AGAP1: variants seen among roughly 807,000 people sequenced by gnomAD.
AGAP1 encodes the protein ArfGAP with GTPase domain, ankyrin repeat and PH domain 1.
AGAP1 carries 29 observed loss-of-function variants against 105.3 expected under a neutral mutation model. The observed-to-expected ratio is 0.28, with a 90% CI of 0.21 to 0.38. The LOEUF is 0.38. Among genes scored for constraint, AGAP1 ranks in the 10% least tolerant of loss-of-function variants. The pLI, the probability that AGAP1 is intolerant of heterozygous loss-of-function variation, is 1.00. For missense variants in AGAP1, 998 were observed against 1,165.1 expected (o/e 0.86, Z 2.09); for synonymous variants, 509 against 485.9 (o/e 1.05, Z -0.63).
chr2:236,113,386 AC>A lies in AGAP1; in HGVS notation c.2115-6805del, dbSNP rs1201176632. On this transcript the variant is annotated intron_variant, in intron 16 of 17. Transcript: ENST00000304032. This position sits in a 1 kb window ranked among gnomAD's most constrained non-coding sequence, Gnocchi z 4.3. Reference sequence around the variant, plus strand: ...GAACTCCTGACCTCGTGATCCACCCACTTCGGCCTCCCAAAGTGCTGGGATT... The same window carrying A: ...GAACTCCTGACCTCGTGATCCACCCATTCGGCCTCCCAAAGTGCTGGGATT... Among the ~76,000 whole-genome samples, 21 of 151,768 alleles carry A rather than the reference AC, an allele frequency of 1.4e-4. No homozygotes were observed. The highest frequency in any genetic ancestry group is 1.4e-3 in the Admixed American group (21 of 15,226).
chr2:235,745,594 C>G (rs1245644188), intron 5 of AGAP1, among the ~76,000 whole-genome samples: 1 of 152,212 alleles, frequency 6.6e-6, no homozygotes, highest in East Asian at 1.9e-4. Flanking sequence ...ATAATCCTAT[C>G]AGGAAAAATT....
Position 235,911,447 on chromosome 2 carries a change from A to T in AGAP1, c.1324+2541A>T, listed in dbSNP as rs146324004. Among the ~76,000 whole-genome samples the T allele has an allele frequency of 3.9e-4, 59 of 152,352 alleles. 1 individual carries two copies. The highest frequency in any genetic ancestry group is 1.3e-3 in the African/African-American group (53 of 41,580). On this transcript the variant is annotated intron_variant, in intron 11 of 17. Coordinates refer to ENST00000304032, the MANE Select transcript of AGAP1 (RefSeq NM_001037131.3). ...GGATAGGAATTTGCCAGGCACACAG[A>T]TATGAAGGAAGGGCACCAATTCTGT...
intron 1 of AGAP1, among the ~76,000 whole-genome samples, chr2:235,516,913 G>C (rs2149041625): frequency 6.6e-6 from 1 of 152,328 alleles, no homozygotes; most frequent in South Asian, 2.1e-4. Flanking sequence ...GTTATTGATG[G>C]GCAGTTGCAG....
intron 13 of AGAP1, among the ~76,000 whole-genome samples, chr2:236,019,482 T>A (rs2056817378): frequency 6.6e-6 from 1 of 152,158 alleles, no homozygotes; most frequent in African/African-American, 2.4e-5. Flanking sequence ...GCTGAGAAAT[T>A]TCCAACATCC....
chr2:235,864,237 A>ATG lies in AGAP1; in HGVS notation c.1051-19105_1051-19104dup. Among the ~76,000 whole-genome samples, 1 of 152,332 alleles carries ATG rather than the reference A, an allele frequency of 6.6e-6. No individual in the cohort carries two copies. Among genetic ancestry groups the ATG allele is most frequent in the Middle Eastern group, 3.4e-3 (1 of 294 alleles). On this transcript the variant is annotated intron_variant, in intron 9 of 17. Coordinates refer to ENST00000304032, the MANE Select transcript of AGAP1 (RefSeq NM_001037131.3). This position sits in a 1 kb window ranked among gnomAD's most constrained non-coding sequence, Gnocchi z 5.0. ...TCAGGAATTCCTCCCTGCCATATCC[A>ATG]TGTGCCACTGTGTAGTCCCGTGAAC...
chr2:236,027,099 C>A lies in AGAP1; in HGVS notation c.1646-9462C>A, dbSNP rs938161792. On this transcript the variant is annotated intron_variant, in intron 13 of 17. Transcript: ENST00000304032. This position sits in a 1 kb window ranked among gnomAD's most constrained non-coding sequence, Gnocchi z 4.4. ...AGATTTGTTATGGATAAACAGATTTCTTCCTGGAAGTTGTAACATGACTAT... is the reference window on the plus strand; with the variant it reads ...AGATTTGTTATGGATAAACAGATTTATTCCTGGAAGTTGTAACATGACTAT... 6.6e-6 allele frequency among the ~76,000 whole-genome samples: 1 copy of A among 152,186 alleles called. No individual in the cohort carries two copies. Among genetic ancestry groups the A allele is most frequent in the Non-Finnish European group, 1.5e-5 (1 of 68,038 alleles).
intron 1 of AGAP1, among the ~76,000 whole-genome samples, chr2:235,539,558 C>T (rs988346614): frequency 2.0e-5 from 3 of 152,168 alleles, no homozygotes; most frequent in Admixed American, 6.5e-5. Context: ...TCTCTTTCAC[C>T]TCCTCTCCCA....
Position 235,989,786 on chromosome 2 carries a change from G to A in AGAP1, c.1645+21163G>A, listed in dbSNP as rs570929721. Among the ~76,000 whole-genome samples the A allele has an allele frequency of 1.3e-5, 2 of 152,314 alleles. No individual in the cohort carries two copies. Among genetic ancestry groups the A allele is most frequent in the African/African-American group, 2.4e-5 (1 of 41,572 alleles). Reference sequence around the variant, plus strand: ...GCAAGCATCAGTCCGTGCGGGAGACGTGCATGGAGTGGAACGGTCACAGCA... The same window carrying A: ...GCAAGCATCAGTCCGTGCGGGAGACATGCATGGAGTGGAACGGTCACAGCA... On this transcript the variant is annotated intron_variant, in intron 13 of 17. Transcript: ENST00000304032. The surrounding 1 kb of genome is among the most constrained non-coding windows in gnomAD (Gnocchi z 4.4).
Position 235,623,061 on chromosome 2 carries a change from T to C in AGAP1, c.164-86118T>C, listed in dbSNP as rs190215375. On this transcript the variant is annotated intron_variant, in intron 1 of 17. Coordinates refer to ENST00000304032, the MANE Select transcript of AGAP1 (RefSeq NM_001037131.3). This position sits in a 1 kb window ranked among gnomAD's most constrained non-coding sequence, Gnocchi z 4.5. Reference sequence around the variant, plus strand: ...AGGTTAGAAGCTAACTTGGACATTCTTTTTGGGGGAATAGATGTCTCTCAT... The same window carrying C: ...AGGTTAGAAGCTAACTTGGACATTCCTTTTGGGGGAATAGATGTCTCTCAT... 1.4e-4 allele frequency among the ~76,000 whole-genome samples: 21 copies of C among 152,312 alleles called. 1 individual carries two copies. The highest frequency in any genetic ancestry group is 4.1e-4 in the African/African-American group (17 of 41,558).
At chr2:235,593,261 A>G (rs183873713) in intron 1 of AGAP1, among the ~76,000 whole-genome samples, 1 of 152,296 alleles carries the variant, frequency 6.6e-6, no homozygotes, top group Admixed American at 6.5e-5. Flanking sequence ...TGGATTGGGT[A>G]AATAGGCTCT....
chr2:235,981,604 C>A lies in AGAP1; in HGVS notation c.1645+12981C>A, dbSNP rs539111597. ...AAACTCAGAGTTGACAATCTATTAG[C>A]AATAATATCACTATCAATTATTGAC... On this transcript the variant is annotated intron_variant, in intron 13 of 17. Transcript: ENST00000304032. This position sits in a 1 kb window ranked among gnomAD's most constrained non-coding sequence, Gnocchi z 5.5. Among the ~76,000 whole-genome samples, 1 of 152,294 alleles carries A rather than the reference C, an allele frequency of 6.6e-6. No homozygotes were observed.
rs950141431 is a variant in AGAP1 at position 235,951,688 on chromosome 2, C to T, written c.1484-16774C>T. 7.9e-5 allele frequency among the ~76,000 whole-genome samples: 12 copies of T among 152,158 alleles called. No individual in the cohort carries two copies. The highest frequency in any genetic ancestry group is 2.9e-4 in the African/African-American group (12 of 41,438). On this transcript the variant is annotated intron_variant, in intron 12 of 17. Transcript: ENST00000304032. The surrounding 1 kb of genome is among the most constrained non-coding windows in gnomAD (Gnocchi z 4.2). ...CTGTTGTTTCTCACTGATTCATTCT[C>T]GGGAATCGCTTGTTGTCTGTTGGTA...
rs1294755128 is a variant in AGAP1 at position 235,919,851 on chromosome 2, A to G, written c.1325-10914A>G. Among the ~76,000 whole-genome samples the G allele has an allele frequency of 6.6e-6, 1 of 152,160 alleles. No homozygotes were observed. The highest frequency in any genetic ancestry group is 1.5e-5 in the Non-Finnish European group (1 of 68,028). On this transcript the variant is annotated intron_variant, in intron 11 of 17. Transcript: ENST00000304032. This position sits in a 1 kb window ranked among gnomAD's most constrained non-coding sequence, Gnocchi z 4.1. Reference sequence around the variant, plus strand: ...CGTCTTCACAATGCTTACACCCCTCATCCTCGCTGTTGCATCAGCTTGTCC... The same window carrying G: ...CGTCTTCACAATGCTTACACCCCTCGTCCTCGCTGTTGCATCAGCTTGTCC...
At chr2:235,507,461 C>G (rs1023132031) in intron 1 of AGAP1, 2 of 152,270 alleles carry the variant, frequency 1.3e-5, no homozygotes, top group Admixed American at 6.5e-5. Context: ...GCAGGCATCT[C>G]TGACAGCTGC....
intron 1 of AGAP1, among the ~76,000 whole-genome samples, chr2:235,543,657 G>A (rs985648111): frequency 6.6e-6 from 1 of 152,164 alleles, no homozygotes; most frequent in Non-Finnish European, 1.5e-5. Flanking sequence ...GGGCAGGTGG[G>A]GGGTTGACCT....
intron 6 of AGAP1, among the ~76,000 whole-genome samples, chr2:235,761,618 C>T (rs1042690963): frequency 6.6e-6 from 1 of 152,110 alleles, no homozygotes; most frequent in Non-Finnish European, 1.5e-5. Flanking sequence ...CATAATGCCA[C>T]GGCATTCTGC....
rs1195046296 is a variant in AGAP1 at position 235,577,982 on chromosome 2, G to A, written c.163+83133G>A. Among the ~76,000 whole-genome samples the A allele has an allele frequency of 2.6e-5, 4 of 152,092 alleles. No homozygotes were observed. The highest frequency in any genetic ancestry group is 1.3e-4 in the Admixed American group (2 of 15,272). On this transcript the variant is annotated intron_variant, in intron 1 of 17. Coordinates refer to ENST00000304032, the MANE Select transcript of AGAP1 (RefSeq NM_001037131.3). This position sits in a 1 kb window ranked among gnomAD's most constrained non-coding sequence, Gnocchi z 4.5. Reference sequence around the variant, plus strand: ...TGCACAGGGGGTCTGGATCGCACCCGACACCATCCAGGTGCCTGCGTGTGC... The same window carrying A: ...TGCACAGGGGGTCTGGATCGCACCCAACACCATCCAGGTGCCTGCGTGTGC...
intron 16 of AGAP1, among the ~76,000 whole-genome samples, chr2:236,111,851 C>T (rs1456149105): frequency 6.6e-6 from 1 of 151,676 alleles, no homozygotes; most frequent in African/African-American, 2.4e-5. Context: ...GTGCTGGGAA[C>T]ACACAGACCT....
Position 235,691,282 on chromosome 2 carries a change from GGA to G in AGAP1, c.164-17896_164-17895del, listed in dbSNP as rs1949723635. ...CTGGCCCCAGGACTGTCATATCCAG[GGA>G]AAGGTCACTCTCTGGCAGTGGATGC... On this transcript the variant is annotated intron_variant, in intron 1 of 17. Coordinates refer to ENST00000304032, the MANE Select transcript of AGAP1 (RefSeq NM_001037131.3). The surrounding 1 kb of genome is among the most constrained non-coding windows in gnomAD (Gnocchi z 4.4). Among the ~76,000 whole-genome samples, 1 of 152,184 alleles carries G rather than the reference GGA, an allele frequency of 6.6e-6. No individual in the cohort carries two copies. Among genetic ancestry groups the G allele is most frequent in the South Asian group, 2.1e-4 (1 of 4,834 alleles).
Sources: allele counts gnomAD v4.1 joint callset (sites outside exome capture counted in the v4.1 genomes callset), GRCh38; gene constraint gnomAD v4.1.1; non-coding constraint Gnocchi (gnomAD v3.1); transcripts MANE v1.5; gene names NCBI Gene and HGNC (gene_info 2026-07-23, HGNC 2026-07-21).